AP2B1: variants seen among roughly 807,000 people sequenced by gnomAD.
AP2B1 encodes AP-2 complex subunit beta.
In AP2B1, 23 loss-of-function variants were observed where a neutral mutation model predicts 102.0. The observed-to-expected ratio is 0.23, with a 90% CI of 0.16 to 0.32. AP2B1 has a LOEUF of 0.32. Among genes scored for constraint, AP2B1 ranks in the 10% least tolerant of loss-of-function variants. The pLI is 1.00. For synonymous variants in AP2B1, 381 were observed against 421.2 expected (o/e 0.90, Z 1.17); for missense variants, 541 against 1,157.4 (o/e 0.47, Z 7.73).
At chr17:35,682,326 T>A in intron 17 of AP2B1, among the ~76,000 whole-genome samples, 2 of 139,428 alleles carry the variant, frequency 1.4e-5, no homozygotes, top group African/African-American at 2.6e-5. Context: ...TATGGCAAAA[T>A]CCTGCCTCTT....
At chr17:35,603,951 A>G (rs1441607575) in intron 3 of AP2B1, among the ~76,000 whole-genome samples, 1 of 152,114 alleles carries the variant, frequency 6.6e-6, no homozygotes, top group African/African-American at 2.4e-5. Context: ...GCCTCGTTAC[A>G]TGCCACCAGT....
At chr17:35,702,034 T>C (rs1287373921) in intron 18 of AP2B1, among the ~76,000 whole-genome samples, 1 of 152,242 alleles carries the variant, frequency 6.6e-6, no homozygotes, top group Non-Finnish European at 1.5e-5. Flanking sequence ...CCAGTCACTA[T>C]TCTAGAAACT....
chr17:35,646,895 ATTTTGTGAATCCCTATAGGAATTTTTC>A (rs2142787054), intron 12 of AP2B1, among the ~76,000 whole-genome samples: 1 of 152,124 alleles, frequency 6.6e-6, no homozygotes, highest in Non-Finnish European at 1.5e-5. Flanking sequence ...AGATTTTTGA[ATTTTGTGAATCCCTATAGGAATTTTTC>A]TTTTTGGTCA....
In AP2B1 at chr17:35,627,691, G is replaced by A; in HGVS notation, c.1120G>A (p.Val374Met). 6.2e-7 allele frequency: 1 copy of A among 1,614,156 alleles called. No homozygotes were observed. Among genetic ancestry groups the A allele is most frequent in the Non-Finnish European group, 8.5e-7 (1 of 1,180,000 alleles). The change falls in exon 9 of 22, where the codon GTG becomes ATG. Residue 374 changes from valine to methionine, a missense_variant. Around this residue, in one of 10 missense-constraint regions of AP2B1, gnomAD observed 106 missense variants for 296.4 expected, o/e 0.36. Coordinates refer to ENST00000610402, the MANE Select transcript of AP2B1 (RefSeq NM_001030006.2). ...GGATGTTGACTTTGTTCGAAAAGCT[G>A]TGCGGGCCATTGGACGGTGTGCCAT... ...EVDVDFVRKA[V>M]RAIGRCAIKV...
intron 17 of AP2B1, among the ~76,000 whole-genome samples, chr17:35,681,879 C>A (rs779278787): frequency 4.6e-5 from 7 of 152,184 alleles, no homozygotes; most frequent in African/African-American, 1.2e-4. Context: ...TCCTCAAATT[C>A]ATTTAATGGA....
intron 20 of AP2B1, 21 bp from the exon 21 acceptor site, chr17:35,717,174 A>G (rs1555590343): frequency 6.2e-7 from 1 of 1,612,022 alleles, no homozygotes; most frequent in Admixed American, 1.7e-5. Context: ...AAGGTGTTGG[A>G]TTTTGAATCT....
In AP2B1 at chr17:35,717,329, C is replaced by T; in HGVS notation, c.2761C>T (p.Pro921Ser). The T allele has an allele frequency of 6.2e-7, 1 of 1,614,084 alleles. No individual in the cohort carries two copies. Among genetic ancestry groups the T allele is most frequent in the Non-Finnish European group, 8.5e-7 (1 of 1,179,976 alleles). ...GATTTTGGCCGAACTACGTATCCAGCCAGGAAACCCCAATTACACGGTAAG... is the reference window on the plus strand; with the variant it reads ...GATTTTGGCCGAACTACGTATCCAGTCAGGAAACCCCAATTACACGGTAAG... ...IWILAELRIQ[P>S]GNPNYTLSLK... The change falls in exon 21 of 22, where the codon CCA (proline) becomes TCA (serine). Residue 921 changes from proline (P) to serine (S), a missense_variant. Pro to Ser is a moderately conservative substitution (Grantham distance 74, BLOSUM62 -1). Coordinates refer to ENST00000610402, the MANE Select transcript of AP2B1 (RefSeq NM_001030006.2).
intron 10 of AP2B1, among the ~76,000 whole-genome samples, chr17:35,637,694 T>C (rs1367883153): frequency 6.6e-6 from 1 of 151,438 alleles, no homozygotes; most frequent in Non-Finnish European, 1.5e-5. Flanking sequence ...TTCTAAATTT[T>C]TTTTTTTTTT....
At chr17:35,650,468 G>C in intron 12 of AP2B1, 62 bp from the exon 13 acceptor site, 1 of 1,568,698 alleles carries the variant, frequency 6.4e-7, no homozygotes, top group Non-Finnish European at 8.7e-7. Context: ...AAATCCAGCA[G>C]TTTGGGTTTC....
chr17:35,619,344 T>A (rs1460030876), intron 5 of AP2B1, among the ~76,000 whole-genome samples: 1 of 152,152 alleles, frequency 6.6e-6, no homozygotes, highest in Non-Finnish European at 1.5e-5. Context: ...TACAAATTGC[T>A]TATCATTAAA....
intron 4 of AP2B1, 33 bp downstream of exon 4, chr17:35,605,873 TG>T (rs1286755944): frequency 6.3e-7 from 1 of 1,597,758 alleles, no homozygotes; most frequent in Non-Finnish European, 8.5e-7. Flanking sequence ...TAACAGAGTT[TG>T]AATTGCAAAT....
chr17:35,612,264 C>T (rs1367908501), intron 5 of AP2B1, among the ~76,000 whole-genome samples: 1 of 152,156 alleles, frequency 6.6e-6, no homozygotes, highest in African/African-American at 2.4e-5. Flanking sequence ...GAACTCTGTA[C>T]CTCACAAGCC....
At chr17:35,705,777 T>C (rs2076328873) in intron 18 of AP2B1, among the ~76,000 whole-genome samples, 1 of 151,988 alleles carries the variant, frequency 6.6e-6, no homozygotes, top group African/African-American at 2.4e-5. Flanking sequence ...CTGCCTCAGC[T>C]TCCCAAGGCT....
chr17:35,691,622 C>A (rs886783394), intron 18 of AP2B1, among the ~76,000 whole-genome samples: 4 of 152,196 alleles, frequency 2.6e-5, no homozygotes, highest in Non-Finnish European at 5.9e-5. Context: ...GATAATGAGT[C>A]CTTGAAGTGG....
chr17:35,627,461 T>C lies in AP2B1; in HGVS notation c.1015T>C (p.Leu339=). The change falls in exon 8 of 22, where the codon TTG becomes CTG. Residue 339 remains leucine, a synonymous_variant. Coordinates refer to ENST00000610402, the MANE Select transcript of AP2B1 (RefSeq NM_001030006.2). ...TCCCATCTATGTTAAACTAGAGAAG[T>C]TGGACATCATGATTCGTTTGGCATC... ...NDPIYVKLEK[L]DIMIRLASQA... 5.0e-6 allele frequency: 8 copies of C among 1,614,052 alleles called. No homozygotes were observed. Among genetic ancestry groups the C allele is most frequent in the Non-Finnish European group, 6.8e-6 (8 of 1,180,020 alleles).
intron 18 of AP2B1, among the ~76,000 whole-genome samples, chr17:35,688,776 C>T (rs2075985830): frequency 6.6e-6 from 1 of 152,106 alleles, no homozygotes; most frequent in Admixed American, 6.5e-5. Context: ...CCAGCCTGGC[C>T]AACTTGACGA....
At chr17:35,680,686 G>GTTTTTTTTTGGTTTT (rs2075799059) in intron 17 of AP2B1, among the ~76,000 whole-genome samples, 1 of 59,932 alleles carries the variant, frequency 1.7e-5, no homozygotes, top group African/African-American at 7.5e-5. Context: ...TATGGTTTTG[G>GTTTTTTTTTGGTTTT]TTTTTTTTTT....
chr17:35,605,038 A>G (rs115021092), intron 3 of AP2B1, among the ~76,000 whole-genome samples: 1,605 of 151,940 alleles, frequency 0.011, 23 homozygotes, highest in African/African-American at 0.029. Context: ...CTGAGTAGCT[A>G]AGACTACAGG....
intron 10 of AP2B1, 51 bp from the exon 11 acceptor site, chr17:35,639,544 A>G: frequency 6.5e-7 from 1 of 1,538,442 alleles, no homozygotes; most frequent in Non-Finnish European, 8.8e-7. Flanking sequence ...TCACTGTTAA[A>G]TTAGTTCTTA....
Sources: gnomAD v4.1 joint callset for allele counts (sites outside exome capture counted in the v4.1 genomes callset) on GRCh38, gnomAD v4.1.1 for gene constraint, gnomAD v4.1.1 regional missense constraint, MANE v1.5 for transcripts, NCBI Gene and HGNC (gene_info 2026-07-23, HGNC 2026-07-21) for gene names.